Variants in NCAM1 observed in about 807,000 individuals in gnomAD.
The protein encoded by NCAM1 is antigen recognized by monoclonal antibody 5.1H11.
A neutral mutation model predicts 109.8 loss-of-function variants in NCAM1; 14 were observed. That is an observed-to-expected ratio of 0.13 (90% CI 0.08 to 0.20). The LOEUF is 0.20. Ranked by LOEUF, NCAM1 falls within the 10% of genes least tolerant of loss-of-function variation. The probability of loss-of-function intolerance (pLI) is 1.00; values close to 1 mark genes in which losing one functional copy is unlikely to be tolerated. For synonymous variants in NCAM1, 418 were observed against 442.9 expected (o/e 0.94, Z 0.70); for missense variants, 774 against 1,109.9 (o/e 0.70, Z 4.30).
At position 113,121,537 on chromosome 11, in the gene NCAM1, C is replaced by CAAAAAAAAAAAAAAA. The variant is rs3051887; in HGVS notation, c.53-80835_53-80821dup. On this transcript the variant is annotated intron_variant, in intron 1 of 19. Coordinates refer to ENST00000316851, the MANE Select transcript of NCAM1 (RefSeq NM_181351.5). ...TGCCTGGCCAACACCACCAATCTTACAAAAAAAAAAAAAAAAAAAAAGGCA... is the reference window on the plus strand; with the variant it reads ...TGCCTGGCCAACACCACCAATCTTACAAAAAAAAAAAAAAAAAAAAAAAAAAAAAAAAAAAAGGCA... 3.2e-5 allele frequency among the ~76,000 whole-genome samples: 3 copies of CAAAAAAAAAAAAAAA among 92,430 alleles called. 1 individual carries two copies. Among genetic ancestry groups the CAAAAAAAAAAAAAAA allele is most frequent in the Non-Finnish European group, 5.9e-5 (3 of 50,748 alleles). The allele number at this position is 92,430 out of a possible 152,430, so 60.6% of individuals were successfully genotyped here. A position where few individuals can be genotyped will look rare whatever the true frequency, so the allele number is the denominator to read the frequency against.
At chr11:113,114,737 T>C (rs1476743492) in intron 1 of NCAM1, among the ~76,000 whole-genome samples, 1 of 152,222 alleles carries the variant, frequency 6.6e-6, no homozygotes, top group Non-Finnish European at 1.5e-5. Context: ...CGCAGCTTTC[T>C]ATTTTGCAGT....
chr11:113,050,963 GTTC>G (rs1422616641), intron 1 of NCAM1, among the ~76,000 whole-genome samples: 1 of 152,054 alleles, frequency 6.6e-6, no homozygotes, highest in Non-Finnish European at 1.5e-5. Flanking sequence ...GTTCAATTTG[GTTC>G]TTCTTTATTC....
chr11:113,127,274 C>T (rs1455687571), intron 1 of NCAM1, among the ~76,000 whole-genome samples: 27 of 152,146 alleles, frequency 1.8e-4, no homozygotes, highest in Non-Finnish European at 3.4e-4. Flanking sequence ...CAGACACTGC[C>T]GTAGAATAAT....
At chr11:113,100,157 G>T (rs1565436111) in intron 1 of NCAM1, among the ~76,000 whole-genome samples, 4 of 152,034 alleles carry the variant, frequency 2.6e-5, no homozygotes, top group African/African-American at 9.7e-5. Context: ...CTCATCCTGG[G>T]GTTTGTTGTT....
chr11:112,999,206 G>A (rs1376687079), intron 1 of NCAM1, among the ~76,000 whole-genome samples: 1 of 152,146 alleles, frequency 6.6e-6, no homozygotes, highest in Non-Finnish European at 1.5e-5. Context: ...TGTTGTGGTA[G>A]TAATTTTTTC....
At chr11:113,134,904 C>A (rs1941543113) in intron 1 of NCAM1, among the ~76,000 whole-genome samples, 1 of 152,014 alleles carries the variant, frequency 6.6e-6, no homozygotes, top group African/African-American at 2.4e-5. Flanking sequence ...AAGAAAGCAC[C>A]CTATGATCCT....
chr11:113,232,695 C>T, intron 11 of NCAM1, 23 bp from the exon 12 acceptor site: 1 of 1,574,038 alleles, frequency 6.4e-7, no homozygotes, highest in South Asian at 1.1e-5. Context: ...CACTTGTAAC[C>T]CAATAGCTTC....
intron 1 of NCAM1, among the ~76,000 whole-genome samples, chr11:113,144,018 T>C (rs1016096159): frequency 6.6e-5 from 10 of 152,166 alleles, no homozygotes; most frequent in African/African-American, 2.4e-4. Context: ...TTGTGATAAG[T>C]GGGATCAATA....
intron 1 of NCAM1, among the ~76,000 whole-genome samples, chr11:113,047,176 T>C (rs993201094): frequency 6.6e-6 from 1 of 152,212 alleles, no homozygotes; most frequent in South Asian, 2.1e-4. Flanking sequence ...GCCACATTTT[T>C]TTCTGAATAA....
chr11:113,150,048 T>G (rs1471545723), intron 1 of NCAM1, among the ~76,000 whole-genome samples: 12 of 152,168 alleles, frequency 7.9e-5, no homozygotes, highest in Non-Finnish European at 1.3e-4. Flanking sequence ...AAGGCAGCAG[T>G]GTACTCCATT....
chr11:113,174,886 C>G (rs1343508524), intron 1 of NCAM1, among the ~76,000 whole-genome samples: 1 of 152,160 alleles, frequency 6.6e-6, no homozygotes, highest in Non-Finnish European at 1.5e-5. Flanking sequence ...TGCTGACACT[C>G]TCACTCCAGG....
intron 1 of NCAM1, among the ~76,000 whole-genome samples, chr11:113,110,815 A>G (rs1940412726): frequency 6.6e-6 from 1 of 152,180 alleles, no homozygotes; most frequent in South Asian, 2.1e-4. Context: ...CTCTGCCTAT[A>G]GAGGCAGAGA....
chr11:113,181,040 C>A (rs1248214119), intron 1 of NCAM1, among the ~76,000 whole-genome samples: 1 of 152,190 alleles, frequency 6.6e-6, no homozygotes, highest in Non-Finnish European at 1.5e-5. Flanking sequence ...TAAAAATATC[C>A]CTGATCTGAA....
chr11:113,231,067 C>T, intron 9 of NCAM1: 1 of 892,022 alleles, frequency 1.1e-6, no homozygotes, highest in Non-Finnish European at 1.7e-6. Flanking sequence ...GGCTCCTGAT[C>T]TTTGAGTTGT....
chr11:113,268,275 A>G (rs1323241878), intron 17 of NCAM1, among the ~76,000 whole-genome samples: 1 of 152,212 alleles, frequency 6.6e-6, no homozygotes, highest in African/African-American at 2.4e-5. Context: ...TAAGAAAATG[A>G]CCCATTCTAG....
intron 1 of NCAM1, among the ~76,000 whole-genome samples, chr11:113,107,605 A>T (rs1337953275): frequency 2.0e-5 from 3 of 152,176 alleles, no homozygotes; most frequent in Non-Finnish European, 2.9e-5. Flanking sequence ...AAGAGAGAGA[A>T]TGAGAACCAA....
intron 15 of NCAM1, among the ~76,000 whole-genome samples, chr11:113,250,495 T>A (rs1043570523): frequency 2.0e-5 from 3 of 152,186 alleles, no homozygotes; most frequent in Non-Finnish European, 2.9e-5. Context: ...TAAATAGGCT[T>A]CATATTTGAA....
intron 18 of NCAM1, 130 bp from the exon 19 acceptor site, chr11:113,271,630 A>G: frequency 1.6e-6 from 1 of 611,468 alleles, no homozygotes; most frequent in Admixed American, 3.0e-5. Flanking sequence ...TTGGGCTGAG[A>G]CTTATACATT....
intron 1 of NCAM1, among the ~76,000 whole-genome samples, chr11:112,994,934 G>T (rs1951553590): frequency 6.6e-6 from 1 of 152,102 alleles, no homozygotes; most frequent in African/African-American, 2.4e-5. Context: ...GAGACTTGGT[G>T]AGAAAAGAAA....
Sources: allele counts gnomAD v4.1 joint callset (sites outside exome capture counted in the v4.1 genomes callset), GRCh38; gene constraint gnomAD v4.1.1; transcripts MANE v1.5; gene names NCBI Gene and HGNC (gene_info 2026-07-23, HGNC 2026-07-21).